NAV3: variants seen among roughly 807,000 people sequenced by gnomAD.
NAV3 encodes the protein pore membrane and/or filament interacting like protein 1.
In NAV3, 87 loss-of-function variants were observed where a neutral mutation model predicts 244.7. That is an observed-to-expected ratio of 0.36 (90% CI 0.30 to 0.42). The LOEUF (loss-of-function observed/expected upper bound fraction) is 0.42. Ranked by LOEUF, NAV3 falls within the 20% of genes least tolerant of loss-of-function variation. The pLI is 1.00. For missense variants in NAV3, 2,663 were observed against 2,893.3 expected, an observed-to-expected ratio of 0.92 and a Z score of 1.83; for synonymous variants, 1,126 against 1,042.2, an observed-to-expected ratio of 1.08 and a Z score of -1.55.
intron 2 of NAV3, among the ~76,000 whole-genome samples, chr12:77,775,490 A>C (rs776222232): frequency 4.6e-5 from 7 of 151,812 alleles, no homozygotes; most frequent in Non-Finnish European, 5.9e-5. Context: ...TAGCCAATGG[A>C]GCTCACCTTA....
chr12:77,697,910 G>C (rs2137189365), intron 2 of NAV3, among the ~76,000 whole-genome samples: 1 of 152,216 alleles, frequency 6.6e-6, no homozygotes, highest in Non-Finnish European at 1.5e-5. Flanking sequence ...GAATTTATAA[G>C]TTAAAAAGCA....
At chr12:77,758,498 CTTTTT>C (rs1869301046) in intron 2 of NAV3, among the ~76,000 whole-genome samples, 2 of 152,266 alleles carry the variant, frequency 1.3e-5, no homozygotes, top group African/African-American at 4.8e-5. Context: ...CCCATATCTT[CTTTTT>C]ATCACTGCAT....
chr12:77,865,152 G>C (rs368679119), intron 1 of NAV3, among the ~76,000 whole-genome samples: 14 of 151,988 alleles, frequency 9.2e-5, no homozygotes, highest in Admixed American at 7.9e-4. Flanking sequence ...TGTTTATTAC[G>C]TTAGCTTCAT....
intron 9 of NAV3, chr12:78,036,688 G>C (rs953087952): frequency 1.5e-5 from 8 of 530,326 alleles, no homozygotes; most frequent in African/African-American, 1.5e-4. Flanking sequence ...GATGTGTCAA[G>C]CTAAATTGGG....
intron 2 of NAV3, among the ~76,000 whole-genome samples, chr12:77,672,896 A>G (rs1002330023): frequency 2.6e-5 from 4 of 152,176 alleles, no homozygotes; most frequent in African/African-American, 4.8e-5. Flanking sequence ...CTATATGACT[A>G]TTTTGAAGGA....
chr12:77,628,596 A>T (rs1053704996), intron 2 of NAV3, among the ~76,000 whole-genome samples: 3 of 152,108 alleles, frequency 2.0e-5, no homozygotes, highest in African/African-American at 7.2e-5. Flanking sequence ...CAAGAATCCA[A>T]AATCTGTCCA....
chr12:78,151,538 C>T (rs1040682179), intron 22 of NAV3, among the ~76,000 whole-genome samples: 4 of 151,840 alleles, frequency 2.6e-5, no homozygotes, highest in Admixed American at 6.6e-5. Flanking sequence ...TATAGAAGGT[C>T]AAATTTTGTA....
At chr12:77,931,701 C>T (rs2137325163) in intron 1 of NAV3, among the ~76,000 whole-genome samples, 1 of 152,106 alleles carries the variant, frequency 6.6e-6, no homozygotes, top group South Asian at 2.1e-4. Context: ...CCTATCTCTA[C>T]TAAAAAATAC....
intron 2 of NAV3, among the ~76,000 whole-genome samples, chr12:77,682,200 GT>G (rs1874504929): frequency 1.3e-5 from 2 of 152,004 alleles, no homozygotes; most frequent in Admixed American, 6.6e-5. Context: ...TTTACTCTCT[GT>G]TTCTATAAGC....
chr12:78,197,338 TTCA>T lies in NAV3; in HGVS notation c.6388_6390del (p.His2130del), dbSNP rs1380152076. On this transcript the variant is annotated inframe_deletion, in exon 35 of 40. Transcript: ENST00000397909. ...CCAGTTGTAATAATTCTTGATAATC[TTCA>T]TCATGTGGGCTCTCTGAGTGATATC... The T allele has an allele frequency of 1.1e-5, 18 of 1,609,432 alleles. No individual in the cohort carries two copies. Among genetic ancestry groups the T allele is most frequent in the Non-Finnish European group, 1.5e-5 (18 of 1,177,178 alleles).
intron 24 of NAV3, among the ~76,000 whole-genome samples, chr12:78,171,507 A>G (rs1418904584): frequency 6.6e-6 from 1 of 151,672 alleles, no homozygotes; most frequent in Admixed American, 6.6e-5. Flanking sequence ...AAGAAATATG[A>G]AAAAATAATT....
At chr12:78,063,973 G>A (rs544367038) in intron 12 of NAV3, among the ~76,000 whole-genome samples, 75 of 152,220 alleles carry the variant, frequency 4.9e-4, no homozygotes, top group African/African-American at 1.7e-3. Flanking sequence ...TCATTTCAAG[G>A]CAAAAGCACA....
Position 77,669,004 on chromosome 12 carries a change from T to C in NAV3, c.72+96738T>C, listed in dbSNP as rs188011825. Among the ~76,000 whole-genome samples the C allele has an allele frequency of 1.7e-3, 260 of 152,306 alleles. 1 individual carries two copies. The highest frequency in any genetic ancestry group is 0.01 in the Middle Eastern group (3 of 294). On this transcript the variant is annotated intron_variant, in intron 2 of 8. Transcript: ENST00000550042. The stretch of plus-strand genomic sequence containing the variant: ...AATGGGGTCCTATTTTTATCCTCCT[T>C]AAACGAAACAATTATCAGCCAAGAA...
intron 1 of NAV3, among the ~76,000 whole-genome samples, chr12:77,868,845 G>A (rs1007677730): frequency 4.6e-5 from 7 of 151,600 alleles, no homozygotes; most frequent in Non-Finnish European, 8.8e-5. Flanking sequence ...CAAGGCGAGC[G>A]GATTGCCTGA....
At chr12:77,793,432 C>A (rs1350451537) in intron 2 of NAV3, among the ~76,000 whole-genome samples, 4 of 152,178 alleles carry the variant, frequency 2.6e-5, no homozygotes, top group Admixed American at 2.0e-4. Flanking sequence ...TTTTAAGCCC[C>A]ACATGCATTA....
At chr12:77,782,033 T>C (rs1193958902) in intron 2 of NAV3, among the ~76,000 whole-genome samples, 1 of 152,184 alleles carries the variant, frequency 6.6e-6, no homozygotes, top group African/African-American at 2.4e-5. Flanking sequence ...TTGAAGCCAC[T>C]ATAAAAATAT....
At chr12:78,197,070 CT>C (rs1462673532) in intron 34 of NAV3, among the ~76,000 whole-genome samples, 176 bp from the exon 35 acceptor site, 1 of 151,854 alleles carries the variant, frequency 6.6e-6, no homozygotes, top group Non-Finnish European at 1.5e-5. Context: ...AAAAATTATT[CT>C]GTCAGCAATA....
chr12:77,649,795 A>T (rs1423858917), intron 2 of NAV3, among the ~76,000 whole-genome samples: 1 of 152,192 alleles, frequency 6.6e-6, no homozygotes, highest in Non-Finnish European at 1.5e-5. Flanking sequence ...CTTTGAAAGT[A>T]AATGATTTAA....
intron 12 of NAV3, among the ~76,000 whole-genome samples, chr12:78,064,668 G>A (rs923748498): frequency 1.7e-4 from 26 of 152,178 alleles, no homozygotes; most frequent in African/African-American, 5.5e-4. Flanking sequence ...ATAACCCTGT[G>A]TAACTCCCAG....
Sources: gnomAD v4.1 joint callset for allele counts (sites outside exome capture counted in the v4.1 genomes callset) on GRCh38, gnomAD v4.1.1 for gene constraint, MANE v1.5 for transcripts, NCBI Gene and HGNC (gene_info 2026-07-23, HGNC 2026-07-21) for gene names.